Variants in CACHD1 observed in about 807,000 individuals in gnomAD.
The protein encoded by CACHD1 is cache domain containing 1.
CACHD1 carries 71 observed loss-of-function variants against 138.7 expected under a neutral mutation model. The observed-to-expected ratio is 0.51, with a 90% CI of 0.42 to 0.62. The LOEUF (loss-of-function observed/expected upper bound fraction) is 0.62. Ranked by LOEUF, CACHD1 falls within the 20% of genes least tolerant of loss-of-function variation. The probability of loss-of-function intolerance (pLI) is 0.00; values close to 1 mark genes in which losing one functional copy is unlikely to be tolerated. For missense variants in CACHD1, 1,389 were observed against 1,625.3 expected (o/e 0.85, Z 2.50); for synonymous variants, 578 against 591.5 (o/e 0.98, Z 0.33).
At chr1:64,593,291 GA>G (rs1647122451) in intron 3 of CACHD1, among the ~76,000 whole-genome samples, 1 of 152,186 alleles carries the variant, frequency 6.6e-6, no homozygotes, top group Non-Finnish European at 1.5e-5. Flanking sequence ...GTTTTGTGTA[GA>G]ATGATGTTTC....
At chr1:64,531,356 A>C (rs779431470) in intron 1 of CACHD1, among the ~76,000 whole-genome samples, 1 of 152,202 alleles carries the variant, frequency 6.6e-6, no homozygotes, top group African/African-American at 2.4e-5. Flanking sequence ...TTTCTTGATT[A>C]TTAATTAGGC....
intron 9 of CACHD1, among the ~76,000 whole-genome samples, chr1:64,649,762 A>T (rs923951862): frequency 6.6e-6 from 1 of 152,172 alleles, no homozygotes; most frequent in Admixed American, 6.5e-5. Flanking sequence ...ACCAAATCAC[A>T]TGTAGAACTT....
chr1:64,664,480 T>G lies in CACHD1; in HGVS notation c.2095-18T>G. 1 of 1,612,804 alleles carries G rather than the reference T, an allele frequency of 6.2e-7. No individual in the cohort carries two copies. Among genetic ancestry groups the G allele is most frequent in the East Asian group, 2.2e-5 (1 of 44,866 alleles). On this transcript the variant is annotated intron_variant, in intron 14 of 26. Coordinates refer to ENST00000651257, the MANE Select transcript of CACHD1 (RefSeq NM_020925.4). ...TGAGTTTTAAAGGATCCCTGCTATG[T>G]CTTCCTTTGTTTCCCAGTTCTCTGT...
intron 4 of CACHD1, among the ~76,000 whole-genome samples, chr1:64,604,539 C>T (rs1420933110): frequency 2.6e-5 from 4 of 152,152 alleles, no homozygotes; most frequent in Non-Finnish European, 5.9e-5. Flanking sequence ...GTTCTGAAGA[C>T]TTGAGGTTGA....
At chr1:64,532,201 T>G (rs1458774485) in intron 1 of CACHD1, among the ~76,000 whole-genome samples, 1 of 152,120 alleles carries the variant, frequency 6.6e-6, no homozygotes, top group Non-Finnish European at 1.5e-5. Context: ...CTTCGAGTGG[T>G]TCTCTGTGTT....
chr1:64,544,781 A>G (rs893120358), intron 1 of CACHD1, among the ~76,000 whole-genome samples: 3 of 152,198 alleles, frequency 2.0e-5, no homozygotes, highest in Non-Finnish European at 2.9e-5. Context: ...AGAAAGGAAT[A>G]TGTAAAGAGA....
intron 2 of CACHD1, among the ~76,000 whole-genome samples, chr1:64,552,922 C>G (rs1570359723): frequency 6.6e-6 from 1 of 152,258 alleles, no homozygotes; most frequent in South Asian, 2.1e-4. Context: ...TGTCTTATTA[C>G]TGATTGTCAA....
At chr1:64,604,966 TC>T (rs1647293806) in intron 4 of CACHD1, among the ~76,000 whole-genome samples, 1 of 146,058 alleles carries the variant, frequency 6.8e-6, no homozygotes, top group Non-Finnish European at 1.5e-5. Flanking sequence ...TTCTTTTTTT[TC>T]TTTGTTTTTT....
intron 3 of CACHD1, among the ~76,000 whole-genome samples, chr1:64,595,225 A>C (rs1647140173): frequency 6.6e-6 from 1 of 152,128 alleles, no homozygotes; most frequent in East Asian, 1.9e-4. Context: ...AGTATGTGTG[A>C]GGGGAGAGAA....
chr1:64,501,344 C>T (rs2100323152), intron 1 of CACHD1, among the ~76,000 whole-genome samples: 1 of 152,280 alleles, frequency 6.6e-6, no homozygotes, highest in South Asian at 2.1e-4. Flanking sequence ...CACAACCTCT[C>T]CCTCTACCAG....
chr1:64,623,701 G>C (rs1647996723), intron 4 of CACHD1, among the ~76,000 whole-genome samples: 1 of 152,176 alleles, frequency 6.6e-6, no homozygotes, highest in Admixed American at 6.5e-5. Flanking sequence ...GGATTTAAGA[G>C]GGTGCAGTAA....
At chr1:64,640,727 ACACACT>A (rs1282607331) in intron 7 of CACHD1, among the ~76,000 whole-genome samples, 6 of 106,718 alleles carry the variant, frequency 5.6e-5, no homozygotes, top group African/African-American at 1.8e-4. Flanking sequence ...ACACACACAC[ACACACT>A]CTCAACATTA....
At chr1:64,677,728 T>C (rs1650043110) in intron 22 of CACHD1, among the ~76,000 whole-genome samples, 1 of 152,218 alleles carries the variant, frequency 6.6e-6, no homozygotes, top group Non-Finnish European at 1.5e-5. Context: ...CTAAAGGCTC[T>C]GAGAAATTGG....
chr1:64,664,139 G>T (rs1570463930), intron 14 of CACHD1: 1 of 461,526 alleles, frequency 2.2e-6, no homozygotes, highest in Non-Finnish European at 3.8e-6. Flanking sequence ...TTACCCAGAG[G>T]AAGAAGTAAA....
chr1:64,651,819 C>T (rs1649106695), intron 9 of CACHD1, among the ~76,000 whole-genome samples: 1 of 152,162 alleles, frequency 6.6e-6, no homozygotes, highest in African/African-American at 2.4e-5. Context: ...CTAACTGCTT[C>T]ACAAAATAGA....
intron 1 of CACHD1, among the ~76,000 whole-genome samples, chr1:64,533,043 C>G (rs1036238296): frequency 6.6e-6 from 1 of 151,926 alleles, no homozygotes; most frequent in African/African-American, 2.4e-5. Context: ...GGCTGGAGTT[C>G]CCAACAGAGC....
rs182660224 is a variant in CACHD1 at position 64,571,229 on chromosome 1, T to C, written c.262-10927T>C. Among the ~76,000 whole-genome samples, 5 of 152,362 alleles carry C rather than the reference T, an allele frequency of 3.3e-5. No homozygotes were observed. In the East Asian group the frequency reaches 9.6e-4, roughly 29 times the overall value. ...CAAACATTCATAAGATGCTTCCTTT[T>C]GTACTGTTTTTCTTTCCTTAGTTTT... On this transcript the variant is annotated intron_variant, in intron 2 of 26. Coordinates refer to ENST00000651257, the MANE Select transcript of CACHD1 (RefSeq NM_020925.4).
chr1:64,522,072 A>G (rs1221688239), intron 1 of CACHD1, among the ~76,000 whole-genome samples: 4 of 152,168 alleles, frequency 2.6e-5, no homozygotes. Flanking sequence ...TTTCTTCTAA[A>G]ACTTTTATAG....
chr1:64,605,365 AT>A (rs1647306118), intron 4 of CACHD1, among the ~76,000 whole-genome samples: 1 of 152,172 alleles, frequency 6.6e-6, no homozygotes, highest in Non-Finnish European at 1.5e-5. Flanking sequence ...GTTAATAGTT[AT>A]TTTTTAATGA....
Sources: allele counts gnomAD v4.1 joint callset (sites outside exome capture counted in the v4.1 genomes callset), GRCh38; gene constraint gnomAD v4.1.1; transcripts MANE v1.5; gene names NCBI Gene and HGNC (gene_info 2026-07-23, HGNC 2026-07-21).